The following STK11 variants were observed in gnomAD, a reference collection of about 807,000 sequenced individuals.
STK11 encodes the protein serine/threonine-protein kinase STK11.
A neutral mutation model predicts 47.3 loss-of-function variants in STK11; 8 were observed. The observed-to-expected ratio is 0.17, with a 90% confidence interval of 0.10 to 0.31. The LOEUF (loss-of-function observed/expected upper bound fraction) is 0.31. Ranked by LOEUF, STK11 falls within the 10% of genes least tolerant of loss-of-function variation. STK11 has a pLI of 1.00. For missense variants in STK11, 475 were observed against 605.0 expected (o/e 0.79, Z 2.25); for synonymous variants, 330 against 255.8 (o/e 1.29, Z -2.77).
chr19:1,205,996 C>T lies in STK11; in HGVS notation c.-918C>T, dbSNP rs562003077. The T allele has an allele frequency of 7.5e-5, 11 of 147,164 alleles. No homozygotes were observed. The East Asian group carries it at 1.4e-3, about 18-fold the overall frequency. The allele number at this position is 147,164 out of a possible 1,614,324, so 9.1% of individuals were successfully genotyped here. A position where few individuals can be genotyped will look rare whatever the true frequency, so the allele number is the denominator to read the frequency against. On this transcript the variant is annotated 5_prime_UTR_variant, in exon 1 of 10. Coordinates refer to ENST00000326873, the MANE Select transcript of STK11 (RefSeq NM_000455.5). The stretch of plus-strand genomic sequence containing the variant: ...CCCGGGGCCCGGCACCTTCGGGAAC[C>T]CCCCGGCCCGGAGCCTGCGGCCTGC...
At chr19:1,221,790 G>A in intron 6 of STK11, 159 bp from the exon 7 acceptor site, 1 of 752,392 alleles carries the variant, frequency 1.3e-6, no homozygotes. Flanking sequence ...CCCAGGAGTG[G>A]AGTGGCCTCT....
At position 1,226,537 on chromosome 19, in the gene STK11, G is replaced by A. The variant is rs2145436152; in HGVS notation, c.1192G>A (p.Ala398Thr). The change falls in exon 9 of 10, where the codon GCG becomes ACG. Residue 398 changes from alanine (A) to threonine (T), a missense_variant. Around this residue, in one of 5 missense-constraint regions of STK11, gnomAD observed 219 missense variants for 189.2 expected, o/e 1.16. Coordinates refer to ENST00000326873, the MANE Select transcript of STK11 (RefSeq NM_000455.5). Reference sequence around the variant, plus strand: ...CGTGTGTATGAACGGCACAGAGGCGGCGCAGCTGAGCACCAAATCCAGGGC... The same window carrying A: ...CGTGTGTATGAACGGCACAGAGGCGACGCAGCTGAGCACCAAATCCAGGGC... ...KAVCMNGTEA[A>T]QLSTKSRAEG... 2 of 1,605,710 alleles carry A rather than the reference G, an allele frequency of 1.2e-6. No individual in the cohort carries two copies. The highest frequency in any genetic ancestry group is 4.5e-5 in the East Asian group (2 of 44,532).
chr19:1,226,802 C>T (rs918127336), intron 9 of STK11, 139 bp downstream of exon 9: 2 of 1,099,068 alleles, frequency 1.8e-6, no homozygotes, highest in Non-Finnish European at 2.5e-6. Context: ...CTTTGGGTGG[C>T]TTGGCCACGT....
chr19:1,207,239 G>A, intron 1 of STK11, 36 bp downstream of exon 1: 2 of 1,562,292 alleles, frequency 1.3e-6, no homozygotes, highest in Non-Finnish European at 1.7e-6. Flanking sequence ...GCCGGGCCGG[G>A]CCAGTCACGG....
intron 1 of STK11, among the ~76,000 whole-genome samples, chr19:1,207,680 C>T (rs191827595): frequency 6.6e-6 from 1 of 152,320 alleles, no homozygotes; most frequent in African/African-American, 2.4e-5. Context: ...AGAGGGGAAC[C>T]CTGGGCTGCC....
Position 1,224,192 on chromosome 19 carries a change from C to T in STK11, c.1108+1020C>T, listed in dbSNP as rs192852524. On this transcript the variant is annotated intron_variant, in intron 8 of 9. Coordinates refer to ENST00000326873, the MANE Select transcript of STK11 (RefSeq NM_000455.5). ...CGAGAGCACAGTGTATGGGGGTCCC[C>T]GGGGGGTACAGTGTCTGGGGGCCCC... 4.0e-5 allele frequency: 39 copies of T among 985,220 alleles called. No homozygotes were observed. In the East Asian group the frequency reaches 2.8e-3, roughly 71 times the overall value. The allele number at this position is 985,220 out of a possible 1,614,324, so 61.0% of individuals were successfully genotyped here.
At chr19:1,216,576 C>T (rs2080746174) in intron 1 of STK11, among the ~76,000 whole-genome samples, 1 of 149,650 alleles carries the variant, frequency 6.7e-6, no homozygotes, top group South Asian at 2.1e-4. Flanking sequence ...GAGACTCCGT[C>T]TCCAAAAAAA....
At chr19:1,226,765 C>G in intron 9 of STK11, 102 bp downstream of exon 9, 1 of 1,323,778 alleles carries the variant, frequency 7.6e-7, no homozygotes, top group Non-Finnish European at 9.9e-7. Context: ...GTGACCGTCA[C>G]GTGGCTGCGC....
At chr19:1,226,141 C>T (rs2080818839) in intron 8 of STK11, 10 of 1,208,130 alleles carry the variant, frequency 8.3e-6, no homozygotes, top group Non-Finnish European at 1.0e-5. Flanking sequence ...GCCTTGTCAG[C>T]TTGCCTCCTA....
chr19:1,227,941 C>CGCAGACCAGCTGG lies in STK11; in HGVS notation c.*366_*378dup. On this transcript the variant is annotated 3_prime_UTR_variant, in exon 10 of 10. Transcript: ENST00000326873. ...GCCCAGCGCCGTCCGGCGGCCCCGCCGCAGACCAGCTGGCGGGTGTGGAGA... is the reference window on the plus strand; with the variant it reads ...GCCCAGCGCCGTCCGGCGGCCCCGCCGCAGACCAGCTGGGCAGACCAGCTGGCGGGTGTGGAGA... The CGCAGACCAGCTGG allele has an allele frequency of 9.3e-7, 1 of 1,070,252 alleles. No individual in the cohort carries two copies. The highest frequency in any genetic ancestry group is 1.1e-6 in the Non-Finnish European group (1 of 882,282). 66.3% of individuals were successfully genotyped at this position (1,070,252 alleles called of 1,614,324 possible).
rs911363106 is a variant in STK11, at chr19:1,226,339, G to A, written c.1109-115G>A. 1.4e-4 allele frequency: 208 copies of A among 1,503,318 alleles called. 1 individual carries two copies. The highest frequency in any genetic ancestry group is 8.1e-4 in the Admixed American group (38 of 46,836). 93.1% of individuals were successfully genotyped at this position (1,503,318 alleles called of 1,614,324 possible). On this transcript the variant is annotated intron_variant, in intron 8 of 9. Coordinates refer to ENST00000326873, the MANE Select transcript of STK11 (RefSeq NM_000455.5). ...ATACACCTGGGCCTGACCCGGGGGC[G>A]GGCATGGCCTGGGCAGCAGCTGTAA...
intron 9 of STK11, 103 bp from the exon 10 acceptor site, chr19:1,227,490 A>C: frequency 9.6e-7 from 1 of 1,046,350 alleles, no homozygotes; most frequent in Non-Finnish European, 1.2e-6. Flanking sequence ...GGAGTCCGGT[A>C]GCCCCATGAC....
Position 1,221,218 on chromosome 19 carries a change from A to T in STK11, c.740A>T (p.Asn247Ile), listed in dbSNP as rs1555738612. The change falls in exon 6 of 10, where the codon AAC becomes ATC. Residue 247 changes from asparagine to isoleucine, a missense_variant. This residue lies in a region of STK11 where 130 missense variants were observed against 239.7 expected (regional missense o/e 0.54). Transcript: ENST00000326873. ...TCCCTCCCCTCGAAATGAAGCTACA[A>T]CATCACCACGGGTCTGTACCCCTTC... ...DIWSAGVTLY[N>I]ITTGLYPFEG... 5 of 1,612,048 alleles carry T rather than the reference A, an allele frequency of 3.1e-6. No homozygotes were observed. Among genetic ancestry groups the T allele is most frequent in the Non-Finnish European group, 4.2e-6 (5 of 1,179,260 alleles).
intron 8 of STK11, chr19:1,223,828 T>C: frequency 2.9e-6 from 3 of 1,029,742 alleles, no homozygotes; most frequent in Non-Finnish European, 3.5e-6. Context: ...CCGGCTTGGC[T>C]GTGTTCGGCC....
chr19:1,226,747 C>G (rs891131500), intron 9 of STK11, 84 bp downstream of exon 9: 1 of 1,396,800 alleles, frequency 7.2e-7, no homozygotes, highest in Admixed American at 2.9e-5. Flanking sequence ...CCGCGCTAGT[C>G]AGTCATGGTG....
In STK11 at chr19:1,215,418, G is replaced by C. The variant is rs143244546; in HGVS notation, c.291-2999G>C. ...CCCGACAGGGCACCGGGCACAGCCA[G>C]GGGCCGGAACCAGTTGCTCACTGGC... On this transcript the variant is annotated intron_variant, in intron 1 of 9. Transcript: ENST00000326873. Among the ~76,000 whole-genome samples, 272 of 152,346 alleles carry C rather than the reference G, an allele frequency of 1.8e-3. 1 individual carries two copies. The highest frequency in any genetic ancestry group is 6.2e-3 in the African/African-American group (257 of 41,580).
intron 8 of STK11, chr19:1,226,004 G>A (rs1599931592): frequency 4.0e-6 from 4 of 1,005,902 alleles, no homozygotes; most frequent in Non-Finnish European, 4.7e-6. Context: ...CTGGCATTTC[G>A]CGTGCCTGGC....
rs2075604 is a variant in STK11, at chr19:1,218,524, G to A, written c.374+24G>A. ...ATATATCCTTTCCGGTGTTGGGACC[G>A]CGGGGCCTCCGTGGGAGGGGCTGGG... On this transcript the variant is annotated intron_variant, in intron 2 of 9. Transcript: ENST00000326873. 14 of 1,604,982 alleles carry A rather than the reference G, an allele frequency of 8.7e-6. No individual in the cohort carries two copies. Among genetic ancestry groups the A allele is most frequent in the Middle Eastern group, 1.7e-4 (1 of 6,018 alleles).
chr19:1,226,314 A>C (rs551245097), intron 8 of STK11, 140 bp from the exon 9 acceptor site: 1 of 1,469,104 alleles, frequency 6.8e-7, no homozygotes, highest in Non-Finnish European at 9.0e-7. Flanking sequence ...TTCAGGCTGG[A>C]TACACCTGGG....
Sources: gnomAD v4.1 joint callset for allele counts (sites outside exome capture counted in the v4.1 genomes callset) on GRCh38, gnomAD v4.1.1 for gene constraint, gnomAD v4.1.1 regional missense constraint, MANE v1.5 for transcripts, NCBI Gene and HGNC (gene_info 2026-07-23, HGNC 2026-07-21) for gene names.